The following LONP1 variants were observed in gnomAD, a reference collection of about 807,000 sequenced individuals.
LONP1 encodes lon peptidase 1, mitochondrial.
Under a neutral mutation model 98.5 loss-of-function variants are expected in LONP1, and 31 were observed. The ratio of observed to expected loss-of-function variants is 0.31; its 90% CI spans 0.24 to 0.42. The LOEUF (loss-of-function observed/expected upper bound fraction) is 0.42. Among genes scored for constraint, LONP1 ranks in the 20% least tolerant of loss-of-function variants. The pLI is 1.00. For synonymous variants in LONP1, 781 were observed against 594.7 expected (o/e 1.31, Z -4.56); for missense variants, 1,336 against 1,350.6 (o/e 0.99, Z 0.17).
intron 9 of LONP1, among the ~76,000 whole-genome samples, chr19:5,700,123 T>C (rs2145594691): frequency 6.6e-6 from 1 of 151,886 alleles, no homozygotes; most frequent in South Asian, 2.1e-4. Context: ...AAATTTTTTT[T>C]CCTTTTTGAG....
Position 5,696,350 on chromosome 19 carries a change from A to G in LONP1, c.1795T>C (p.Tyr599His), listed in dbSNP as rs2054928109. ...AGTGCCGACGACGGGTCCCCCTGGT[A>G]GCCTCGGCCGATCTTGTCCACCTGG... is the stretch of plus-strand genomic sequence containing the variant. ...IDEVDKIGRG[Y>H]QGDPSSALLE... Residue 599 changes from tyrosine (Y) to histidine (H), a missense_variant, in exon 12 of 18, where the codon TAC (tyrosine) becomes CAC (histidine). Around this residue, in one of 5 missense-constraint regions of LONP1, gnomAD observed 555 missense variants for 542.6 expected, o/e 1.02. Transcript: ENST00000360614. 3 of 1,613,064 alleles carry G rather than the reference A, an allele frequency of 1.9e-6. No individual in the cohort carries two copies. Among genetic ancestry groups the G allele is most frequent in the Non-Finnish European group, 2.5e-6 (3 of 1,179,816 alleles).
At position 5,713,228 on chromosome 19, in the gene LONP1, G is replaced by A; in HGVS notation, c.544C>T (p.Leu182=). ...DSNESDVVES[L]DEIYHTGTFA... The stretch of plus-strand genomic sequence containing the variant: ...GTCCCCGTGTGGTAGATTTCATCCA[G>A]GCTCTCGACCACATCCGACTCATTG... The change falls in exon 3 of 18, where the codon CTG becomes TTG. Residue 182 remains leucine, a synonymous_variant. Coordinates refer to ENST00000360614, the MANE Select transcript of LONP1 (RefSeq NM_004793.4). 1 of 1,614,160 alleles carries A rather than the reference G, an allele frequency of 6.2e-7. No individual in the cohort carries two copies. The highest frequency in any genetic ancestry group is 8.5e-7 in the Non-Finnish European group (1 of 1,180,018).
In LONP1 at chr19:5,692,152, G is replaced by C; in HGVS notation, c.2760C>G (p.Phe920Leu). Reference protein sequence around the residue: ...IVLPAENKKDFYDLAAFITEG... With the variant: ...IVLPAENKKDLYDLAAFITEG... ...CGGTGATGAAGGCTGCCAGGTCGTAGAAGTCCTTCTTGTTCTCGGCTGGCA... is the reference window on the plus strand; with the variant it reads ...CGGTGATGAAGGCTGCCAGGTCGTACAAGTCCTTCTTGTTCTCGGCTGGCA... The change falls in exon 18 of 18, where the codon TTC becomes TTG. Residue 920 changes from phenylalanine to leucine, a missense_variant. Coordinates refer to ENST00000360614, the MANE Select transcript of LONP1 (RefSeq NM_004793.4). 1 of 1,614,142 alleles carries C rather than the reference G, an allele frequency of 6.2e-7. No individual in the cohort carries two copies. The highest frequency in any genetic ancestry group is 8.5e-7 in the Non-Finnish European group (1 of 1,179,996).
chr19:5,711,761 A>G lies in LONP1; in HGVS notation c.870+10T>C, dbSNP rs1363580219. The G allele has an allele frequency of 6.2e-7, 1 of 1,601,984 alleles. No homozygotes were observed. Among genetic ancestry groups the G allele is most frequent in the Non-Finnish European group, 8.5e-7 (1 of 1,172,294 alleles). On this transcript the variant is annotated intron_variant, in intron 4 of 17. Coordinates refer to ENST00000360614, the MANE Select transcript of LONP1 (RefSeq NM_004793.4). ...CAGCTGTGGCCGCCCTGCGTGACGCACGGACTCACTTTCACCTCCTCCGTG... is the reference window on the plus strand; with the variant it reads ...CAGCTGTGGCCGCCCTGCGTGACGCGCGGACTCACTTTCACCTCCTCCGTG...
chr19:5,692,256 G>A, intron 17 of LONP1, 48 bp from the exon 18 acceptor site: 1 of 1,559,322 alleles, frequency 6.4e-7, no homozygotes, highest in Non-Finnish European at 8.7e-7. Context: ...TGGGAGGGCA[G>A]CAGGTGTGCT....
chr19:5,711,424 C>A (rs2055234970), intron 4 of LONP1, among the ~76,000 whole-genome samples: 1 of 152,176 alleles, frequency 6.6e-6, no homozygotes, highest in Admixed American at 6.5e-5. Flanking sequence ...TACCAACCTC[C>A]CAGGCTTGGT....
intron 13 of LONP1, 45 bp downstream of exon 13, chr19:5,696,009 C>T (rs766323229): frequency 2.6e-6 from 4 of 1,565,206 alleles, no homozygotes; most frequent in Non-Finnish European, 3.5e-6. Flanking sequence ...GGGGGGCGCC[C>T]CCTGCTCTGG....
At chr19:5,695,592 C>T (rs940856536) in intron 13 of LONP1, among the ~76,000 whole-genome samples, 6 of 152,196 alleles carry the variant, frequency 3.9e-5, no homozygotes, top group Middle Eastern at 3.2e-3. Context: ...TCAAAGGGCT[C>T]CTAGGGGAGA....
rs576300877 is a variant in LONP1 at position 5,714,335 on chromosome 19, T to C, written c.430-64A>G. 1.3e-5 allele frequency: 15 copies of C among 1,126,408 alleles called. No homozygotes were observed. In the East Asian group the frequency reaches 2.4e-4, roughly 18 times the overall value. 69.8% of individuals were successfully genotyped at this position (1,126,408 alleles called of 1,614,324 possible). A position where few individuals can be genotyped will look rare whatever the true frequency, so the allele number is the denominator to read the frequency against. On this transcript the variant is annotated intron_variant, in intron 1 of 17. Transcript: ENST00000360614. ...ATTTTTTTTTTGAGACAGAGTCTCA[T>C]TCTGTTGCCCTGGCTGGAATGTAAT...
intron 7 of LONP1, 38 bp from the exon 8 acceptor site, chr19:5,706,030 G>C: frequency 6.6e-7 from 1 of 1,512,820 alleles, no homozygotes; most frequent in South Asian, 1.1e-5. Context: ...CCTGGCTCCG[G>C]GAAGCTGGGT....
upstream of LONP1, chr19:5,720,381 C>T (rs1245845223): frequency 9.8e-6 from 6 of 609,508 alleles, no homozygotes; most frequent in East Asian, 3.2e-5. Flanking sequence ...CAGGCGCCAG[C>T]GCCCGTACAA....
intron 8 of LONP1, among the ~76,000 whole-genome samples, chr19:5,702,123 G>A (rs530031416): frequency 2.5e-3 from 370 of 149,618 alleles, no homozygotes; most frequent in Non-Finnish European, 3.7e-3. Flanking sequence ...CGGGAGGTGA[G>A]GGGCGCCTCT....
At position 5,702,953 on chromosome 19, in the gene LONP1, C is replaced by T. The variant is rs2145602231; in HGVS notation, c.1368-2026G>A. 1.3e-5 allele frequency among the ~76,000 whole-genome samples: 2 copies of T among 150,548 alleles called. 1 individual carries two copies. The highest frequency in any genetic ancestry group is 4.3e-4 in the South Asian group (2 of 4,684). ...ACTTGTTTATCTGCTGACCCTCCCT[C>T]CACTATTGTCCTATGACCCTGCCAA... On this transcript the variant is annotated intron_variant, in intron 8 of 17. Coordinates refer to ENST00000360614, the MANE Select transcript of LONP1 (RefSeq NM_004793.4).
chr19:5,705,781 G>A lies in LONP1; in HGVS notation c.1358C>T (p.Ser453Leu), dbSNP rs780593199. 19 of 1,613,764 alleles carry A rather than the reference G, an allele frequency of 1.2e-5. No homozygotes were observed. The highest frequency in any genetic ancestry group is 3.3e-5 in the Admixed American group (2 of 60,006). Residue 453 changes from serine to leucine, a missense_variant, in exon 8 of 18, where the codon TCG (serine) becomes TTG (leucine). Coordinates refer to ENST00000360614, the MANE Select transcript of LONP1 (RefSeq NM_004793.4). ...CGGGCCTGGCACTCACTTGAACTCC[G>A]AGGAGTGGTTGTCCAGCAGGCCCAG... ...SKLGLLDNHS[S>L]EFNVTRNYLD...
chr19:5,694,639 G>C, intron 14 of LONP1, 87 bp from the exon 15 acceptor site: 1 of 1,560,262 alleles, frequency 6.4e-7, no homozygotes, highest in East Asian at 2.3e-5. Context: ...AAGGTGTGAC[G>C]GGCGCGGGGT....
At chr19:5,720,340 G>A (rs551894494), upstream of LONP1, 13 of 740,308 alleles carry the variant, frequency 1.8e-5, no homozygotes, top group Non-Finnish European at 2.6e-5. Flanking sequence ...ATGCGCTGAA[G>A]GCCTTTTCCG....
intron 8 of LONP1, among the ~76,000 whole-genome samples, chr19:5,702,005 G>A (rs1420126784): frequency 1.3e-5 from 2 of 151,872 alleles, no homozygotes; most frequent in African/African-American, 4.8e-5. Context: ...GAGACCCTCT[G>A]CCTGGCAACC....
intron 17 of LONP1, 71 bp from the exon 18 acceptor site, chr19:5,692,279 C>A (rs565282609): frequency 2.1e-6 from 3 of 1,458,226 alleles, no homozygotes; most frequent in East Asian, 2.3e-5. Flanking sequence ...CCTCCAGGAA[C>A]GAAAGGGCTT....
chr19:5,708,035 G>T, intron 5 of LONP1: 1 of 633,312 alleles, frequency 1.6e-6, no homozygotes. Flanking sequence ...GCATCCTCAC[G>T]TGCAGCCACC....
Sources: gnomAD v4.1 joint callset for allele counts (sites outside exome capture counted in the v4.1 genomes callset) on GRCh38, gnomAD v4.1.1 for gene constraint, gnomAD v4.1.1 regional missense constraint, MANE v1.5 for transcripts, NCBI Gene and HGNC (gene_info 2026-07-23, HGNC 2026-07-21) for gene names.